The following UNC79 variants were observed in gnomAD, a reference collection of about 807,000 sequenced individuals.
The protein encoded by UNC79 is protein unc-79 homolog.
A neutral mutation model predicts 283.1 loss-of-function variants in UNC79; 37 were observed. The observed-to-expected ratio is 0.13, with a 90% CI of 0.10 to 0.17. The LOEUF is 0.17. Ranked by LOEUF, UNC79 falls within the 10% of genes least tolerant of loss-of-function variation. UNC79 has a pLI of 1.00. For synonymous variants in UNC79, 1,107 were observed against 1,200.2 expected, an observed-to-expected ratio of 0.92 and a Z score of 1.61; for missense variants, 2,272 against 3,211.1, an observed-to-expected ratio of 0.71 and a Z score of 7.07.
At chr14:93,523,892 A>T (rs1281828974) in intron 7 of UNC79, 86 bp from the exon 8 acceptor site, 4 of 1,459,250 alleles carry the variant, frequency 2.7e-6, no homozygotes, top group Non-Finnish European at 3.8e-6. Context: ...TCTGTTTAGA[A>T]AAAAGAAAAT....
chr14:93,633,106 T>C (rs2068173145), intron 31 of UNC79, among the ~76,000 whole-genome samples: 1 of 152,206 alleles, frequency 6.6e-6, no homozygotes, highest in East Asian at 1.9e-4. Flanking sequence ...AAGTTTTAAA[T>C]TTGTTGCATC....
intron 47 of UNC79, among the ~76,000 whole-genome samples, chr14:93,697,645 C>T (rs1373061351): frequency 6.6e-6 from 1 of 152,024 alleles, no homozygotes; most frequent in Admixed American, 6.6e-5. Context: ...GTGGCTCATG[C>T]CTGTAATCCT....
At chr14:93,467,828 T>C (rs1296607254) in intron 2 of UNC79, 37 bp downstream of exon 2, 2 of 1,468,798 alleles carry the variant, frequency 1.4e-6, no homozygotes, top group Non-Finnish European at 1.8e-6. Context: ...GAGAGAATTA[T>C]TAGGTAGTAT....
chr14:93,487,056 A>G (rs1315055547), intron 4 of UNC79, among the ~76,000 whole-genome samples: 1 of 152,220 alleles, frequency 6.6e-6, no homozygotes, highest in African/African-American at 2.4e-5. Flanking sequence ...TTCTCATGGT[A>G]ATGAAGACAT....
At chr14:93,642,915 A>T (rs995432968) in intron 33 of UNC79, among the ~76,000 whole-genome samples, 2 of 152,152 alleles carry the variant, frequency 1.3e-5, no homozygotes, top group Non-Finnish European at 2.9e-5. Flanking sequence ...TGGACCCTAC[A>T]TTAGGACACT....
intron 14 of UNC79, among the ~76,000 whole-genome samples, chr14:93,556,772 G>A (rs1376330514): frequency 6.6e-6 from 1 of 151,706 alleles, no homozygotes; most frequent in Non-Finnish European, 1.5e-5. Context: ...TGTATGTATA[G>A]CTTGGCTATC....
At chr14:93,434,730 T>C (rs2056016435) in intron 1 of UNC79, among the ~76,000 whole-genome samples, 1 of 152,182 alleles carries the variant, frequency 6.6e-6, no homozygotes, top group African/African-American at 2.4e-5. Context: ...CTCTATAAAA[T>C]GGGGATAGTT....
intron 30 of UNC79, among the ~76,000 whole-genome samples, chr14:93,623,372 C>T (rs1042075075): frequency 6.6e-5 from 10 of 152,172 alleles, no homozygotes; most frequent in African/African-American, 2.4e-4. Flanking sequence ...ATACCAGTTA[C>T]AGCCTAGACC....
intron 48 of UNC79, 104 bp downstream of exon 51, chr14:93,704,770 C>T (rs2075759029): frequency 7.1e-7 from 1 of 1,412,264 alleles, no homozygotes; most frequent in African/African-American, 1.4e-5. Flanking sequence ...AGGATGAATT[C>T]AACCTGCTCC....
intron 47 of UNC79, among the ~76,000 whole-genome samples, chr14:93,701,064 G>A (rs1160265079): frequency 6.6e-6 from 1 of 152,040 alleles, no homozygotes; most frequent in Middle Eastern, 3.2e-3. Context: ...TAGTCACTTT[G>A]ACCTCCCAGG....
At chr14:93,347,303 G>T (rs752878344) in intron 1 of UNC79, 1 of 1,605,418 alleles carries the variant, frequency 6.2e-7, no homozygotes, top group Non-Finnish European at 8.5e-7. Flanking sequence ...CCTGCCCGCC[G>T]CCACTACCGC....
chr14:93,681,169 C>A (rs986008614), intron 41 of UNC79, among the ~76,000 whole-genome samples: 2 of 152,174 alleles, frequency 1.3e-5, no homozygotes, highest in Non-Finnish European at 2.9e-5. Context: ...GTATTTGAGG[C>A]AAATGGAAAT....
intron 30 of UNC79, among the ~76,000 whole-genome samples, chr14:93,629,382 A>G (rs2067842753): frequency 6.6e-6 from 1 of 152,218 alleles, no homozygotes; most frequent in South Asian, 2.1e-4. Context: ...ATAATTATGC[A>G]TGTTTTTGAT....
At chr14:93,582,246 C>T (rs367669866) in exon 20 of UNC79, 1 of 1,614,034 alleles carries the variant, frequency 6.2e-7, no homozygotes. Flanking sequence ...TCTTCCAGAC[C>T]AGAGTTTATC....
intron 19 of UNC79, 130 bp downstream of exon 19, chr14:93,580,506 G>A: frequency 2.1e-6 from 2 of 963,368 alleles, no homozygotes; most frequent in Non-Finnish European, 3.0e-6. Flanking sequence ...TGTGTTAAAA[G>A]AAACTTTTCC....
chr14:93,563,752 A>G (rs1455559887), intron 14 of UNC79, among the ~76,000 whole-genome samples: 1 of 152,158 alleles, frequency 6.6e-6, no homozygotes, highest in East Asian at 1.9e-4. Flanking sequence ...TCAGAGAGAT[A>G]TAGTCATGGG....
At chr14:93,662,243 CATAA>C (rs1452369262) in intron 39 of UNC79, among the ~76,000 whole-genome samples, 3 of 152,168 alleles carry the variant, frequency 2.0e-5, no homozygotes, top group African/African-American at 7.2e-5. Flanking sequence ...ATGATGAACT[CATAA>C]ATACTTAAAT....
At chr14:93,400,237 G>A (rs941944526) in intron 1 of UNC79, among the ~76,000 whole-genome samples, 1 of 152,174 alleles carries the variant, frequency 6.6e-6, no homozygotes, top group African/African-American at 2.4e-5. Context: ...ATCATGCATG[G>A]TATTTGAGAG....
intron 35 of UNC79, among the ~76,000 whole-genome samples, chr14:93,646,931 A>G (rs1039347285): frequency 1.4e-4 from 22 of 152,222 alleles, no homozygotes; most frequent in Admixed American, 6.5e-5. Flanking sequence ...AGAGAGCACT[A>G]GTTATTCATT....
Sources: gnomAD v4.1 joint callset for allele counts (sites outside exome capture counted in the v4.1 genomes callset) on GRCh38, gnomAD v4.1.1 for gene constraint, MANE v1.5 for transcripts, NCBI Gene and HGNC (gene_info 2026-07-23, HGNC 2026-07-21) for gene names.